Variants in ANKRD65 observed in about 807,000 individuals in gnomAD.
ANKRD65 encodes the protein ankyrin repeat domain-containing protein 65.
ANKRD65 carries 26 observed loss-of-function variants against 17.2 expected under a neutral mutation model. The observed-to-expected ratio is 1.51, with a 90% CI of 1.11 to 2.09. The LOEUF is 2.09. Among genes scored for constraint, ANKRD65 ranks in the 30% most tolerant of loss-of-function variants. The probability of loss-of-function intolerance (pLI) is 0.00; values close to 1 mark genes in which losing one functional copy is unlikely to be tolerated. For synonymous variants in ANKRD65, 311 were observed against 272.2 expected (o/e 1.14, Z -1.40); for missense variants, 621 against 542.2 (o/e 1.15, Z -1.44).
Position 1,419,409 on chromosome 1 carries a change from C to T in ANKRD65, c.891G>A (p.Ala297=), listed in dbSNP as rs1044780746. Residue 297 remains alanine (A), a synonymous_variant, in exon 4 of 4, where the codon GCG becomes GCA. Coordinates refer to ENST00000537107, the MANE Select transcript of ANKRD65 (RefSeq NM_001145210.3). ...LLVTQGAEVD[A]RDTLGLTPLH... ...GGGGTGTGAGGCCCAGGGTGTCCCG[C>T]GCATCCACCTCGGCCCCCTGGGTGA... 67 of 1,549,734 alleles carry T rather than the reference C, an allele frequency of 4.3e-5. No homozygotes were observed. Among genetic ancestry groups the T allele is most frequent in the African/African-American group, 5.5e-5 (4 of 73,044 alleles).
intron 2 of ANKRD65, 90 bp from the exon 3 acceptor site, chr1:1,420,682 TGGGA>T: frequency 1.2e-6 from 1 of 855,144 alleles, no homozygotes; most frequent in Non-Finnish European, 1.4e-6. Flanking sequence ...CACCCAGCGC[TGGGA>T]CCCCCGTCCT....
At position 1,418,864 on chromosome 1, in the gene ANKRD65, C is replaced by G. The variant is rs1245527565; in HGVS notation, c.*236G>C. On this transcript the variant is annotated 3_prime_UTR_variant, in exon 4 of 4. Transcript: ENST00000537107. Reference sequence around the variant, plus strand: ...TCTCTCTTCCCTCATTGCCACAACTCATTCTTTGTTGAAGTATGGAGAAGG... The same window carrying G: ...TCTCTCTTCCCTCATTGCCACAACTGATTCTTTGTTGAAGTATGGAGAAGG... 6.2e-6 allele frequency: 3 copies of G among 484,122 alleles called. No homozygotes were observed. The highest frequency in any genetic ancestry group is 1.1e-5 in the Non-Finnish European group (3 of 272,740). 30.0% of individuals were successfully genotyped at this position (484,122 alleles called of 1,614,324 possible). A position where few individuals can be genotyped will look rare whatever the true frequency, so the allele number is the denominator to read the frequency against.
chr1:1,419,432 T>A lies in ANKRD65; in HGVS notation c.868A>T (p.Thr290Ser). The change falls in exon 4 of 4, where the codon ACC (threonine) becomes TCC (serine). Residue 290 changes from threonine (T) to serine (S), a missense_variant. Physicochemically the swap from Thr to Ser is moderately conservative, Grantham distance 58 (BLOSUM62 1). Coordinates refer to ENST00000537107, the MANE Select transcript of ANKRD65 (RefSeq NM_001145210.3). ...CGCGCATCCACCTCGGCCCCCTGGG[T>A]GACCAGCAACTGGACGGCAAGCAGG... ...GHLLAVQLLV[T>S]QGAEVDARDT... is the part of the protein sequence containing the mutation. The A allele has an allele frequency of 6.5e-7, 1 of 1,549,444 alleles. No individual in the cohort carries two copies. The highest frequency in any genetic ancestry group is 8.7e-7 in the Non-Finnish European group (1 of 1,146,818).
Position 1,419,034 on chromosome 1 carries a change from C to A in ANKRD65, c.*66G>T, listed in dbSNP as rs1460528008. On this transcript the variant is annotated 3_prime_UTR_variant, in exon 4 of 4. Transcript: ENST00000537107. ...CCTCTTCCCTGATGTCCCCTCCAGG[C>A]AGGCAGCCTCAGCCAGAGAGCCTGG... 4.2e-6 allele frequency: 6 copies of A among 1,434,592 alleles called. No individual in the cohort carries two copies. The highest frequency in any genetic ancestry group is 2.9e-5 in the African/African-American group (2 of 69,292). 88.9% of individuals were successfully genotyped at this position (1,434,592 alleles called of 1,614,324 possible).
At position 1,418,782 on chromosome 1, in the gene ANKRD65, T is replaced by C. The variant is rs1277088305; in HGVS notation, c.*318A>G. 2 of 271,228 alleles carry C rather than the reference T, an allele frequency of 7.4e-6. No individual in the cohort carries two copies. Among genetic ancestry groups the C allele is most frequent in the African/African-American group, 2.2e-5 (1 of 45,352 alleles). The allele number at this position is 271,228 out of a possible 1,614,324, so 16.8% of individuals were successfully genotyped here. ...CAGGCTGCCTGCCTGTCTTTGGTTT[T>C]ACTTCCTTGTTGTTTTTTCTTAAAA... On this transcript the variant is annotated 3_prime_UTR_variant, in exon 4 of 4. Transcript: ENST00000537107.
At position 1,420,930 on chromosome 1, in the gene ANKRD65, C is replaced by T. The variant is rs1363509761; in HGVS notation, c.76G>A (p.Glu26Lys). ...QELRWMELDS[E>K]EALGTRTEGP... ...TCTGTCCTGGTTCCCAGGGCCTCTTCGGAGTCCAGCTCCATCCACCGCAGT... is the reference window on the plus strand; with the variant it reads ...TCTGTCCTGGTTCCCAGGGCCTCTTTGGAGTCCAGCTCCATCCACCGCAGT... Residue 26 changes from glutamate to lysine, a missense_variant, in exon 2 of 4, where the codon GAA becomes AAA. By Grantham distance (56) the Glu-to-Lys change is moderately conservative. Transcript: ENST00000537107. 3 of 1,550,784 alleles carry T rather than the reference C, an allele frequency of 1.9e-6. No individual in the cohort carries two copies. Among genetic ancestry groups the T allele is most frequent in the Admixed American group, 2.0e-5 (1 of 51,006 alleles).
At chr1:1,419,805 G>A (rs1465716979) in intron 3 of ANKRD65, among the ~76,000 whole-genome samples, 1 of 152,324 alleles carries the variant, frequency 6.6e-6, no homozygotes, top group Admixed American at 6.5e-5. Flanking sequence ...GGGGTCTCAG[G>A]CACAGGCCCG....
Position 1,420,372 on chromosome 1 carries a change from G to GCGGCGT in ANKRD65, c.424_429dup (p.Thr142_Pro143dup). ...TGGCCCAGGGCAGCGGCCCAGTGCA[G>GCGGCGT]CGGCGTGAGGCCCGTCCCGGAGCGA... is the stretch of plus-strand genomic sequence containing the variant. On this transcript the variant is annotated inframe_insertion, in exon 3 of 4. Coordinates refer to ENST00000537107, the MANE Select transcript of ANKRD65 (RefSeq NM_001145210.3). The GCGGCGT allele has an allele frequency of 7.8e-7, 1 of 1,281,410 alleles. No individual in the cohort carries two copies. The highest frequency in any genetic ancestry group is 9.9e-7 in the Non-Finnish European group (1 of 1,007,558). The allele number at this position is 1,281,410 out of a possible 1,614,324, so 79.4% of individuals were successfully genotyped here. A position where few individuals can be genotyped will look rare whatever the true frequency, so the allele number is the denominator to read the frequency against.
Position 1,419,029 on chromosome 1 carries a change from C to G in ANKRD65, c.*71G>C. On this transcript the variant is annotated 3_prime_UTR_variant, in exon 4 of 4. Coordinates refer to ENST00000537107, the MANE Select transcript of ANKRD65 (RefSeq NM_001145210.3). ...GGAAGCCTCTTCCCTGATGTCCCCT[C>G]CAGGCAGGCAGCCTCAGCCAGAGAG... The G allele has an allele frequency of 7.0e-7, 1 of 1,429,404 alleles. No homozygotes were observed. The highest frequency in any genetic ancestry group is 9.3e-7 in the Non-Finnish European group (1 of 1,078,700). The allele number at this position is 1,429,404 out of a possible 1,614,324, so 88.5% of individuals were successfully genotyped here.
rs1455297364 is a variant in ANKRD65 at position 1,420,224 on chromosome 1, A to G, written c.578T>C (p.Leu193Pro). The change falls in exon 3 of 4, where the codon CTG (leucine) becomes CCG (proline). Residue 193 changes from leucine to proline, a missense_variant. Transcript: ENST00000537107. Reference protein sequence around the residue: ...WAAAGGRLAVLELLAAGGAGL... With the variant: ...WAAAGGRLAVPELLAAGGAGL... The stretch of plus-strand genomic sequence containing the variant: ...CGCGCCGCCGGCCGCCAGCAGCTCC[A>G]GCACCGCCAGCCGCCCGCCCGCGGC... The G allele has an allele frequency of 2.0e-6, 2 of 990,864 alleles. No homozygotes were observed. Among genetic ancestry groups the G allele is most frequent in the Non-Finnish European group, 2.4e-6 (2 of 835,454 alleles). 61.4% of individuals were successfully genotyped at this position (990,864 alleles called of 1,614,324 possible).
Position 1,420,959 on chromosome 1 carries a change from T to A in ANKRD65, c.47A>T (p.Gln16Leu). Reference sequence around the variant, plus strand: ...GTCCAGCTCCATCCACCGCAGTTCCTGTTCCTCCTCCTCCTCCTCTCTGGG... The same window carrying A: ...GTCCAGCTCCATCCACCGCAGTTCCAGTTCCTCCTCCTCCTCCTCTCTGGG... ...PEPREEEEEE[Q>L]ELRWMELDSE... Residue 16 changes from glutamine (Q) to leucine (L), a missense_variant, in exon 2 of 4, where the codon CAG (glutamine) becomes CTG (leucine). Gln to Leu is a moderately radical substitution (Grantham distance 113, BLOSUM62 -2). Coordinates refer to ENST00000537107, the MANE Select transcript of ANKRD65 (RefSeq NM_001145210.3). 2.6e-6 allele frequency: 4 copies of A among 1,550,790 alleles called. No individual in the cohort carries two copies. Among genetic ancestry groups the A allele is most frequent in the Non-Finnish European group, 3.5e-6 (4 of 1,146,980 alleles).
chr1:1,419,156 G>A lies in ANKRD65; in HGVS notation c.1144C>T (p.Leu382=). ...TTCTCCCCCCCTCCAAGTTCAGGCAGCGCCTGGGGCAGGTCCCCCTCAGGC... is the reference window on the plus strand; with the variant it reads ...TTCTCCCCCCCTCCAAGTTCAGGCAACGCCTGGGGCAGGTCCCCCTCAGGC... ...QMPEGDLPQA[L]PELGGGEKEC... Residue 382 remains leucine (L), a synonymous_variant, in exon 4 of 4, where the codon CTG becomes TTG. Transcript: ENST00000537107. 6.5e-7 allele frequency: 1 copy of A among 1,539,984 alleles called. No homozygotes were observed. Among genetic ancestry groups the A allele is most frequent in the Non-Finnish European group, 8.8e-7 (1 of 1,138,868 alleles).
rs1408184135 is a variant in ANKRD65, at chr1:1,420,092, GC to G, written c.709del (p.Ala237ProfsTer10). 5.5e-6 allele frequency: 7 copies of G among 1,282,382 alleles called. No homozygotes were observed. Among genetic ancestry groups the G allele is most frequent in the Non-Finnish European group, 4.9e-6 (5 of 1,016,146 alleles). The allele number at this position is 1,282,382 out of a possible 1,614,324, so 79.4% of individuals were successfully genotyped here. Reference sequence around the variant, plus strand: ...GGCGGCCGCCAGACCCAGCGCTGTGGCCCCCGCGCCATCCCGGGCGTCCACC... The same window carrying G: ...GGCGGCCGCCAGACCCAGCGCTGTGGCCCCGCGCCATCCCGGGCGTCCACC... ...ARVDARDGAGATALGLAAALG... is the reference protein window; with the variant it reads ...ARVDARDGAGXTALGLAAALG... On this transcript the variant is annotated frameshift_variant, in exon 3 of 4. Transcript: ENST00000537107. LOFTEE classifies it low-confidence loss of function (END_TRUNC).
At position 1,420,110 on chromosome 1, in the gene ANKRD65, GCGTCCACCCGC is replaced by G; in HGVS notation, c.681_691del (p.Arg228ProfsTer22). ...CGCTGTGGCCCCCGCGCCATCCCGG[GCGTCCACCCGC>G]GCCCCGCGCGCCAGGAGGAAGCGCA... On this transcript the variant is annotated frameshift_variant, in exon 3 of 4. Transcript: ENST00000537107. LOFTEE classifies it high-confidence loss of function. 7 of 1,268,962 alleles carry G rather than the reference GCGTCCACCCGC, an allele frequency of 5.5e-6. No individual in the cohort carries two copies. Among genetic ancestry groups the G allele is most frequent in the Non-Finnish European group, 6.9e-6 (7 of 1,009,234 alleles). 78.6% of individuals were successfully genotyped at this position (1,268,962 alleles called of 1,614,324 possible).
At chr1:1,419,620 C>T (rs1645508543) in intron 3 of ANKRD65, 71 bp from the exon 4 acceptor site, 2 of 1,390,824 alleles carry the variant, frequency 1.4e-6, no homozygotes, top group East Asian at 2.5e-5. Context: ...CAGGCGTTTG[C>T]CCAGCCCAGG....
At position 1,419,476 on chromosome 1, in the gene ANKRD65, C is replaced by T; in HGVS notation, c.824G>A (p.Arg275Lys). The T allele has an allele frequency of 6.5e-7, 1 of 1,547,548 alleles. No individual in the cohort carries two copies. Among genetic ancestry groups the T allele is most frequent in the South Asian group, 1.2e-5 (1 of 84,020 alleles). Residue 275 changes from arginine (R) to lysine (K), a missense_variant, in exon 4 of 4, where the codon AGG becomes AAG. Physicochemically the swap from Arg to Lys is conservative, Grantham distance 26. Coordinates refer to ENST00000537107, the MANE Select transcript of ANKRD65 (RefSeq NM_001145210.3). Reference sequence around the variant, plus strand: ...AAGCAGGTGTCCTCGGGCGGCAGCCCTGTGCAGCGCAGAGCGGCCATGCCT... The same window carrying T: ...AAGCAGGTGTCCTCGGGCGGCAGCCTTGTGCAGCGCAGAGCGGCCATGCCT... ...RDRHGRSALH[R>K]AAARGHLLAV...
chr1:1,418,995 C>T lies in ANKRD65; in HGVS notation c.*105G>A. On this transcript the variant is annotated 3_prime_UTR_variant, in exon 4 of 4. Transcript: ENST00000537107. Reference sequence around the variant, plus strand: ...GCCACATCCCCTACTTTCTCCCATCCCCTCCTCCGGAAGCCTCTTCCCTGA... The same window carrying T: ...GCCACATCCCCTACTTTCTCCCATCTCCTCCTCCGGAAGCCTCTTCCCTGA... 3 of 1,278,054 alleles carry T rather than the reference C, an allele frequency of 2.3e-6. No homozygotes were observed. The highest frequency in any genetic ancestry group is 3.2e-6 in the Non-Finnish European group (3 of 945,158). 79.2% of individuals were successfully genotyped at this position (1,278,054 alleles called of 1,614,324 possible).
At position 1,419,434 on chromosome 1, in the gene ANKRD65, A is replaced by G; in HGVS notation, c.866T>C (p.Val289Ala). The G allele has an allele frequency of 2.6e-6, 4 of 1,549,542 alleles. No individual in the cohort carries two copies. Among genetic ancestry groups the G allele is most frequent in the Non-Finnish European group, 3.5e-6 (4 of 1,146,844 alleles). Residue 289 changes from valine (V) to alanine (A), a missense_variant, in exon 4 of 4, where the codon GTC becomes GCC. By Grantham distance (64) the Val-to-Ala change is moderately conservative. Coordinates refer to ENST00000537107, the MANE Select transcript of ANKRD65 (RefSeq NM_001145210.3). Reference sequence around the variant, plus strand: ...CGCATCCACCTCGGCCCCCTGGGTGACCAGCAACTGGACGGCAAGCAGGTG... The same window carrying G: ...CGCATCCACCTCGGCCCCCTGGGTGGCCAGCAACTGGACGGCAAGCAGGTG... ...RGHLLAVQLL[V>A]TQGAEVDARD... is the part of the protein sequence containing the mutation.
In ANKRD65 at chr1:1,420,331, C is replaced by G. The variant is rs995568343; in HGVS notation, c.471G>C (p.Ala157=). ...AAALGHTLLA[A]RLLEAPGPGP... ...CCGGGCCCGGAGCCTCCAGCAGGCG[C>G]GCGGCCAGCAGCGTGTGGCCCAGGG... Residue 157 remains alanine (A), a synonymous_variant, in exon 3 of 4, where the codon GCG becomes GCC. Coordinates refer to ENST00000537107, the MANE Select transcript of ANKRD65 (RefSeq NM_001145210.3). 1 of 1,136,234 alleles carries G rather than the reference C, an allele frequency of 8.8e-7. No homozygotes were observed. The allele number at this position is 1,136,234 out of a possible 1,614,324, so 70.4% of individuals were successfully genotyped here.
Sources: gnomAD v4.1 joint callset for allele counts (sites outside exome capture counted in the v4.1 genomes callset) on GRCh38, gnomAD v4.1.1 for gene constraint, MANE v1.5 for transcripts, NCBI Gene and HGNC (gene_info 2026-07-23, HGNC 2026-07-21) for gene names.